The following FHIP1A variants were observed in gnomAD, a reference collection of about 807,000 sequenced individuals.
FHIP1A encodes the protein FHF complex subunit HOOK-interacting protein 1A.
FHIP1A carries 61 observed loss-of-function variants against 88.6 expected under a neutral mutation model. That is an observed-to-expected ratio of 0.69 (90% CI 0.56 to 0.85). The LOEUF (loss-of-function observed/expected upper bound fraction) is 0.85, where lower values mean the gene tolerates loss of function less well. Among genes scored for constraint, FHIP1A ranks in the 40% least tolerant of loss-of-function variants. The pLI, the probability that FHIP1A is intolerant of heterozygous loss-of-function variation, is 0.00. For missense variants in FHIP1A, 1,154 were observed against 1,273.5 expected (o/e 0.91, Z 1.43); for synonymous variants, 478 against 496.0 (o/e 0.96, Z 0.48).
chr4:151,425,857 A>G (rs1234118487), intron 1 of FHIP1A, among the ~76,000 whole-genome samples: 1 of 152,156 alleles, frequency 6.6e-6, no homozygotes, highest in African/African-American at 2.4e-5. Context: ...CCTTGCTCTT[A>G]TAAGGATACA....
chr4:151,651,052 G>A (rs1737012641), intron 11 of FHIP1A, among the ~76,000 whole-genome samples: 1 of 152,218 alleles, frequency 6.6e-6, no homozygotes, highest in Admixed American at 6.5e-5. Context: ...CAGAATAGGT[G>A]CTCAGAGTCC....
chr4:151,507,680 G>A (rs534731465), intron 3 of FHIP1A, among the ~76,000 whole-genome samples: 5 of 152,020 alleles, frequency 3.3e-5, no homozygotes, highest in South Asian at 2.1e-4. Flanking sequence ...TAATGTTTTC[G>A]ATATTTATTT....
intron 7 of FHIP1A, among the ~76,000 whole-genome samples, chr4:151,621,808 T>TC (rs1203243832): frequency 3.3e-5 from 5 of 151,826 alleles, no homozygotes; most frequent in African/African-American, 9.7e-5. Flanking sequence ...TTTTTTTTTT[T>TC]CCAGTGGATC....
intron 3 of FHIP1A, among the ~76,000 whole-genome samples, chr4:151,565,095 C>T (rs1022211479): frequency 6.6e-5 from 10 of 151,306 alleles, no homozygotes; most frequent in African/African-American, 2.4e-4. Flanking sequence ...TTTGACATTA[C>T]AAGTCTACAA....
chr4:151,601,489 A>G (rs889648281), intron 7 of FHIP1A, among the ~76,000 whole-genome samples: 1 of 151,772 alleles, frequency 6.6e-6, no homozygotes, highest in East Asian at 1.9e-4. Flanking sequence ...TAGTGAATCT[A>G]CTTTTTATAG....
chr4:151,445,458 G>T (rs913122188), intron 1 of FHIP1A, among the ~76,000 whole-genome samples: 4 of 152,052 alleles, frequency 2.6e-5, no homozygotes, highest in Admixed American at 2.6e-4. Flanking sequence ...CCCCAGCAAG[G>T]TGGAGTGGGG....
intron 3 of FHIP1A, among the ~76,000 whole-genome samples, chr4:151,491,504 C>T (rs1189466412): frequency 2.0e-5 from 3 of 151,890 alleles, no homozygotes; most frequent in African/African-American, 7.3e-5. Flanking sequence ...AATCTTGACG[C>T]AAAACCTCAA....
At chr4:151,509,053 A>G (rs191490544) in intron 3 of FHIP1A, among the ~76,000 whole-genome samples, 2 of 152,326 alleles carry the variant, frequency 1.3e-5, no homozygotes, top group East Asian at 3.9e-4. Context: ...GGGGCTTCCC[A>G]TGTACAAATG....
In FHIP1A at chr4:151,664,780, A is replaced by T. The variant is rs1737602542; in HGVS notation, c.*2026A>T. Among the ~76,000 whole-genome samples, 1 of 152,234 alleles carries T rather than the reference A, an allele frequency of 6.6e-6. No individual in the cohort carries two copies. The highest frequency in any genetic ancestry group is 2.1e-4 in the South Asian group (1 of 4,832). ...CAAAGTCATAAAATGCCAACGCCAC[A>T]TCTGTAAATGGAATTCTTTAGCTTT... is the stretch of plus-strand genomic sequence containing the variant. On this transcript the variant is annotated 3_prime_UTR_variant, in exon 14 of 14. Coordinates refer to ENST00000435205, the MANE Select transcript of FHIP1A (RefSeq NM_001109977.3).
chr4:151,513,756 T>G (rs1731122365), intron 3 of FHIP1A, among the ~76,000 whole-genome samples: 1 of 151,748 alleles, frequency 6.6e-6, no homozygotes, highest in Non-Finnish European at 1.5e-5. Flanking sequence ...GAGCTAACTA[T>G]CCTAAATATA....
At chr4:151,475,480 A>T (rs1729664544) in intron 2 of FHIP1A, among the ~76,000 whole-genome samples, 1 of 152,144 alleles carries the variant, frequency 6.6e-6, no homozygotes. Context: ...AGAGACACAA[A>T]TGAAGAGGAG....
chr4:151,434,031 C>CAAAT (rs1332448816), intron 1 of FHIP1A, among the ~76,000 whole-genome samples: 1 of 152,122 alleles, frequency 6.6e-6, no homozygotes, highest in Non-Finnish European at 1.5e-5. Flanking sequence ...TGAAGAAGTG[C>CAAAT]AAATGTTTGT....
At chr4:151,512,336 GA>G (rs1256963106) in intron 3 of FHIP1A, among the ~76,000 whole-genome samples, 1 of 152,220 alleles carries the variant, frequency 6.6e-6, no homozygotes, top group Middle Eastern at 3.4e-3. Context: ...CAAAGATGGG[GA>G]AAAAACAGAG....
At chr4:151,491,865 CA>C (rs1477157574) in intron 3 of FHIP1A, among the ~76,000 whole-genome samples, 1 of 151,976 alleles carries the variant, frequency 6.6e-6, no homozygotes, top group Non-Finnish European at 1.5e-5. Flanking sequence ...TCATATCAGA[CA>C]AAACAGACTT....
At chr4:151,540,951 T>A (rs1331801320) in intron 3 of FHIP1A, among the ~76,000 whole-genome samples, 1 of 152,206 alleles carries the variant, frequency 6.6e-6, no homozygotes, top group Non-Finnish European at 1.5e-5. Flanking sequence ...TGACTTTGGC[T>A]CCAGTCCATG....
chr4:151,507,216 C>A (rs1730866945), intron 3 of FHIP1A, among the ~76,000 whole-genome samples: 1 of 152,088 alleles, frequency 6.6e-6, no homozygotes, highest in African/African-American at 2.4e-5. Context: ...CTTGATCTCC[C>A]AGGCTCAAGT....
intron 7 of FHIP1A, among the ~76,000 whole-genome samples, chr4:151,615,629 A>G (rs900604011): frequency 5.3e-5 from 8 of 152,206 alleles, no homozygotes; most frequent in African/African-American, 1.7e-4. Context: ...TCATCCTCAC[A>G]TAGTCAACCT....
intron 3 of FHIP1A, among the ~76,000 whole-genome samples, chr4:151,554,887 G>C (rs567897875): frequency 6.6e-6 from 1 of 152,100 alleles, no homozygotes; most frequent in African/African-American, 2.4e-5. Context: ...GTTAGTGTGC[G>C]TAGATAATTC....
At chr4:151,410,741 A>G (rs912126555) in intron 1 of FHIP1A, among the ~76,000 whole-genome samples, 2 of 152,208 alleles carry the variant, frequency 1.3e-5, no homozygotes, top group African/African-American at 2.4e-5. Flanking sequence ...TGAGCAGGAT[A>G]TTTAGTCCAT....
Sources: gnomAD v4.1 joint callset for allele counts (sites outside exome capture counted in the v4.1 genomes callset) on GRCh38, gnomAD v4.1.1 for gene constraint, MANE v1.5 for transcripts, NCBI Gene and HGNC (gene_info 2026-07-23, HGNC 2026-07-21) for gene names.